The following IFNG-AS1 variants were observed in gnomAD, a reference collection of about 807,000 sequenced individuals.
IFNG-AS1 encodes the protein IFNG antisense RNA 1 (non-protein coding).
intron 3 of IFNG-AS1, among the ~76,000 whole-genome samples, chr12:68,006,399 T>G (rs968390865): frequency 6.6e-6 from 1 of 152,220 alleles, no homozygotes; most frequent in Non-Finnish European, 1.5e-5. Context: ...AATTCCAGAT[T>G]TTTTTATAAG....
rs189960759 is a variant in IFNG-AS1, at chr12:67,991,220, C to G, written n.51+1641C>G. 2.4e-4 allele frequency among the ~76,000 whole-genome samples: 37 copies of G among 152,268 alleles called. 1 individual carries two copies. The highest frequency in any genetic ancestry group is 1.4e-3 in the Admixed American group (21 of 15,300). Reference sequence around the variant, plus strand: ...GGATTATGTGTTCTGTAAAACTGCTCCTAGCTTTAAAGTGTATTGATTATT... The same window carrying G: ...GGATTATGTGTTCTGTAAAACTGCTGCTAGCTTTAAAGTGTATTGATTATT... On this transcript the variant is annotated intron_variant and non_coding_transcript_variant, in intron 1 of 5. Coordinates refer to ENST00000536914, the Ensembl canonical transcript of IFNG-AS1.
At chr12:68,005,045 G>T (rs1879875304) in intron 2 of IFNG-AS1, among the ~76,000 whole-genome samples, 1 of 152,092 alleles carries the variant, frequency 6.6e-6, no homozygotes, top group South Asian at 2.1e-4. Flanking sequence ...AAGCAATCAT[G>T]GTGGACAAGG....
At chr12:67,998,010 AAG>A (rs1322606286) in intron 2 of IFNG-AS1, among the ~76,000 whole-genome samples, 1 of 152,120 alleles carries the variant, frequency 6.6e-6, no homozygotes, top group African/African-American at 2.4e-5. Context: ...TCTGTAGGGA[AAG>A]AGATACCCTC....
intron 1 of IFNG-AS1, chr12:67,989,637 G>T (rs1476907333): frequency 6.6e-6 from 1 of 152,148 alleles, no homozygotes; most frequent in African/African-American, 2.4e-5. Context: ...ACAAATAAAT[G>T]TGTTTTCTTT....
At chr12:67,998,781 G>A (rs978213551) in intron 2 of IFNG-AS1, among the ~76,000 whole-genome samples, 1 of 152,046 alleles carries the variant, frequency 6.6e-6, no homozygotes, top group African/African-American at 2.4e-5. Flanking sequence ...GAAATCCAAT[G>A]TATTATTATA....
intron 2 of IFNG-AS1, among the ~76,000 whole-genome samples, chr12:68,002,346 TTG>T (rs1398043942): frequency 6.6e-6 from 1 of 152,232 alleles, no homozygotes; most frequent in Non-Finnish European, 1.5e-5. Context: ...TCTGTTGATG[TTG>T]TGTCAATGGA....
intron 1 of IFNG-AS1, among the ~76,000 whole-genome samples, chr12:67,994,489 A>G (rs961272045): frequency 7.9e-5 from 12 of 152,240 alleles, no homozygotes; most frequent in Non-Finnish European, 1.5e-5. Flanking sequence ...GTAAACAAAT[A>G]CGGAGATTTT....
At chr12:68,001,708 G>A (rs1268046877) in intron 2 of IFNG-AS1, among the ~76,000 whole-genome samples, 1 of 152,086 alleles carries the variant, frequency 6.6e-6, no homozygotes, top group Non-Finnish European at 1.5e-5. Flanking sequence ...TAAGAAGTAG[G>A]GCAAACAATG....
At chr12:67,992,356 G>A (rs543053517) in intron 1 of IFNG-AS1, among the ~76,000 whole-genome samples, 4 of 152,208 alleles carry the variant, frequency 2.6e-5, no homozygotes, top group South Asian at 4.1e-4. Flanking sequence ...CTTGTTAGTG[G>A]AATCTTGGGT....
At chr12:68,015,523 G>T (rs1007911358) in intron 3 of IFNG-AS1, among the ~76,000 whole-genome samples, 2 of 152,054 alleles carry the variant, frequency 1.3e-5, no homozygotes, top group Non-Finnish European at 2.9e-5. Context: ...TAAAGTTCTT[G>T]AAGCTTCTAC....
chr12:67,991,472 T>C (rs1254241338), intron 1 of IFNG-AS1, among the ~76,000 whole-genome samples: 1 of 152,170 alleles, frequency 6.6e-6, no homozygotes, highest in Non-Finnish European at 1.5e-5. Context: ...TGCTCGACTG[T>C]GGCTAGATCC....
chr12:68,013,816 T>G (rs910486857), intron 3 of IFNG-AS1, among the ~76,000 whole-genome samples: 3 of 152,192 alleles, frequency 2.0e-5, no homozygotes, highest in African/African-American at 7.2e-5. Context: ...CATAGGATAT[T>G]GGGGTACAGG....
chr12:67,996,545 C>T (rs1317100681), intron 2 of IFNG-AS1, among the ~76,000 whole-genome samples: 1 of 152,142 alleles, frequency 6.6e-6, no homozygotes, highest in East Asian at 1.9e-4. Flanking sequence ...TGTGTCCCTC[C>T]ATGCTATTAT....
chr12:67,992,811 A>G (rs1306041358), intron 1 of IFNG-AS1, among the ~76,000 whole-genome samples: 1 of 152,230 alleles, frequency 6.6e-6, no homozygotes, highest in African/African-American at 2.4e-5. Context: ...CACAGTAACA[A>G]TGAAAGGTAA....
intron 3 of IFNG-AS1, among the ~76,000 whole-genome samples, chr12:68,014,974 T>C (rs1880113343): frequency 6.6e-6 from 1 of 152,114 alleles, no homozygotes; most frequent in Non-Finnish European, 1.5e-5. Context: ...AAACAGATTT[T>C]GAGATAAAGG....
intron 3 of IFNG-AS1, among the ~76,000 whole-genome samples, chr12:68,019,640 T>C (rs543577762): frequency 6.6e-6 from 1 of 152,292 alleles, no homozygotes; most frequent in East Asian, 1.9e-4. Context: ...GTGCCTCTAA[T>C]GTCAACTTGT....
At chr12:68,007,113 A>T (rs1013996014) in intron 3 of IFNG-AS1, among the ~76,000 whole-genome samples, 2 of 152,222 alleles carry the variant, frequency 1.3e-5, no homozygotes, top group East Asian at 3.8e-4. Context: ...ACATGGGTTC[A>T]TGTCCCAACA....
intron 2 of IFNG-AS1, among the ~76,000 whole-genome samples, chr12:68,005,377 C>A (rs1406944480): frequency 3.3e-5 from 5 of 152,196 alleles, no homozygotes; most frequent in Non-Finnish European, 5.9e-5. Context: ...GAAATGCGCA[C>A]ACACATGCAT....
At chr12:67,996,847 A>T (rs1276251627) in intron 2 of IFNG-AS1, among the ~76,000 whole-genome samples, 1 of 152,168 alleles carries the variant, frequency 6.6e-6, no homozygotes, top group African/African-American at 2.4e-5. Context: ...AGTTATTTCT[A>T]TCTTTTATTT....
Sources: gnomAD v4.1 joint callset for allele counts (sites outside exome capture counted in the v4.1 genomes callset) on GRCh38, gnomAD v4.1.1 for gene constraint, MANE v1.5 for transcripts, NCBI Gene and HGNC (gene_info 2026-07-23, HGNC 2026-07-21) for gene names.